The following PTBP3 variants were observed in gnomAD, a reference collection of about 807,000 sequenced individuals.
PTBP3 encodes the protein polypyrimidine tract-binding protein 3.
PTBP3 carries 20 observed loss-of-function variants against 58.7 expected under a neutral mutation model. That is an observed-to-expected ratio of 0.34 (90% confidence interval 0.24 to 0.50). The LOEUF (loss-of-function observed/expected upper bound fraction) is 0.50. PTBP3 is among the 20% of genes least tolerant of loss of function. The pLI, the probability that PTBP3 is intolerant of heterozygous loss-of-function variation, is 0.98. For synonymous variants in PTBP3, 185 were observed against 219.8 expected (o/e 0.84, Z 1.40); for missense variants, 509 against 637.2 (o/e 0.80, Z 2.17).
At chr9:112,265,141 A>G (rs568415476) in intron 4 of PTBP3, among the ~76,000 whole-genome samples, 2 of 149,884 alleles carry the variant, frequency 1.3e-5, no homozygotes, top group South Asian at 4.2e-4. Context: ...CTGAAGAAAT[A>G]CGCAAGATAT....
the PTBP3 span, among the ~76,000 whole-genome samples, chr9:112,344,416 T>C: frequency 2.6e-5 from 4 of 152,150 alleles, no homozygotes; most frequent in Middle Eastern, 3.2e-3. Context: ...ATAAAGCAAA[T>C]TGGGCTTCTT....
chr9:112,345,877 CAG>C, the PTBP3 span, among the ~76,000 whole-genome samples: 1 of 150,858 alleles, frequency 6.6e-6, no homozygotes, highest in East Asian at 2.0e-4. Context: ...CTTTTTGAGA[CAG>C]AGTCTCGCTC....
intron 4 of PTBP3, among the ~76,000 whole-genome samples, chr9:112,264,034 A>G (rs1836702386): frequency 1.3e-5 from 2 of 152,158 alleles, no homozygotes; most frequent in South Asian, 4.1e-4. Context: ...CAGAATTCCT[A>G]TTATGGGAAA....
chr9:112,262,737 T>A, intron 4 of PTBP3, 138 bp from the exon 5 acceptor site: 1 of 704,000 alleles, frequency 1.4e-6, no homozygotes. Flanking sequence ...GAGATACATA[T>A]CCTAAATTTG....
chr9:112,282,496 A>G (rs1241094852), intron 2 of PTBP3, among the ~76,000 whole-genome samples: 1 of 152,150 alleles, frequency 6.6e-6, no homozygotes, highest in Non-Finnish European at 1.5e-5. Context: ...TAATATAAAC[A>G]TTTAAAACTA....
intron 8 of PTBP3, among the ~76,000 whole-genome samples, chr9:112,232,779 C>T (rs1835295280): frequency 6.6e-6 from 1 of 152,120 alleles, no homozygotes; most frequent in Non-Finnish European, 1.5e-5. Flanking sequence ...ATTCAATATT[C>T]TTTTGTAGCA....
the PTBP3 span, among the ~76,000 whole-genome samples, chr9:112,359,003 A>G: frequency 6.6e-6 from 1 of 152,084 alleles, no homozygotes; most frequent in Non-Finnish European, 1.5e-5. Flanking sequence ...CCTAGCTAAA[A>G]TTTTTATAAT....
intron 1 of PTBP3, among the ~76,000 whole-genome samples, chr9:112,328,320 T>TA (rs1363347211): frequency 6.6e-6 from 1 of 152,224 alleles, no homozygotes; most frequent in Non-Finnish European, 1.5e-5. Flanking sequence ...AGAACAATCT[T>TA]AGAGAAATTT....
At chr9:112,235,323 C>T (rs993540357) in intron 7 of PTBP3, among the ~76,000 whole-genome samples, 2 of 151,960 alleles carry the variant, frequency 1.3e-5, no homozygotes, top group Non-Finnish European at 2.9e-5. Flanking sequence ...TGATGAGGGT[C>T]GAAAGGTACA....
Position 112,323,444 on chromosome 9 carries a change from G to A in PTBP3, c.-52+10026C>T, listed in dbSNP as rs1426395586. On this transcript the variant is annotated intron_variant, in intron 1 of 13. Coordinates refer to ENST00000374257, the MANE Select transcript of PTBP3 (RefSeq NM_001163788.4). ...TTTTCTTTTCTCAAAAAAGAAAAGTGCCATGGTATTGGCCTCTATGCACAT... is the reference window on the plus strand; with the variant it reads ...TTTTCTTTTCTCAAAAAAGAAAAGTACCATGGTATTGGCCTCTATGCACAT... Among the ~76,000 whole-genome samples, 12 of 152,154 alleles carry A rather than the reference G, an allele frequency of 7.9e-5. No homozygotes were observed. The East Asian group carries it at 2.1e-3, about 27-fold the overall frequency.
chr9:112,325,434 C>G (rs1414087372), intron 1 of PTBP3, among the ~76,000 whole-genome samples: 9 of 152,112 alleles, frequency 5.9e-5, no homozygotes, highest in Non-Finnish European at 8.8e-5. Flanking sequence ...GGACCCCTCT[C>G]TTTGCTGAGA....
At chr9:112,339,290 C>CA in the PTBP3 span, among the ~76,000 whole-genome samples, 209 of 71,484 alleles carry the variant, frequency 2.9e-3, no homozygotes, top group East Asian at 6.3e-3. Context: ...GACTCTGTCT[C>CA]AAAAAAAAAA....
intron 1 of PTBP3, among the ~76,000 whole-genome samples, chr9:112,309,094 A>G (rs1474789956): frequency 6.6e-6 from 1 of 152,248 alleles, no homozygotes; most frequent in Non-Finnish European, 1.5e-5. Flanking sequence ...TCTAAAATGC[A>G]TATGAAATTC....
the PTBP3 span, among the ~76,000 whole-genome samples, chr9:112,356,581 C>CA: frequency 0.22 from 31,747 of 145,678 alleles, 3,722 homozygotes; most frequent in East Asian, 0.32. Context: ...AGCAACAGAG[C>CA]AAAAAAAAAA....
At chr9:112,320,314 A>ATATATATATATATTTTTTT in intron 1 of PTBP3, among the ~76,000 whole-genome samples, 29 of 75,678 alleles carry the variant, frequency 3.8e-4, no homozygotes, top group African/African-American at 9.4e-4. Flanking sequence ...ATATATATAT[A>ATATATATATATATTTTTTT]TTTTTTTTTA....
chr9:112,231,971 GAAGAGAAGAGAAGAGAA>G, intron 9 of PTBP3, 111 bp downstream of exon 9: 1 of 320,742 alleles, frequency 3.1e-6, no homozygotes, highest in Non-Finnish European at 5.2e-6. Context: ...AGAGAAGAGA[GAAGAGAAGAGAAGAGAA>G]GAGAAGAGAA....
At chr9:112,343,267 G>A in the PTBP3 span, among the ~76,000 whole-genome samples, 1 of 149,674 alleles carries the variant, frequency 6.7e-6, no homozygotes, top group African/African-American at 2.5e-5. Flanking sequence ...GGAGTGCAAT[G>A]GTGTGATCTC....
the PTBP3 span, among the ~76,000 whole-genome samples, chr9:112,355,622 T>C: frequency 7.7e-6 from 1 of 129,964 alleles, no homozygotes; most frequent in Non-Finnish European, 1.6e-5. Flanking sequence ...ACTCTTTTTC[T>C]TTTTTTTTTT....
At chr9:112,239,282 A>C (rs1478364381) in intron 7 of PTBP3, among the ~76,000 whole-genome samples, 1 of 152,196 alleles carries the variant, frequency 6.6e-6, no homozygotes, top group Non-Finnish European at 1.5e-5. Context: ...TTGCATGGTT[A>C]TTTTGCTTCC....
Sources: allele counts gnomAD v4.1 joint callset (sites outside exome capture counted in the v4.1 genomes callset), GRCh38; gene constraint gnomAD v4.1.1; transcripts MANE v1.5; gene names NCBI Gene and HGNC (gene_info 2026-07-23, HGNC 2026-07-21).